Variants in MTMR12 observed in about 807,000 individuals in gnomAD.
MTMR12 encodes myotubularin related protein 12.
MTMR12 carries 33 observed loss-of-function variants against 96.7 expected under a neutral mutation model. The observed-to-expected ratio is 0.34, with a 90% CI of 0.26 to 0.46. MTMR12 has a LOEUF of 0.46. Among genes scored for constraint, MTMR12 ranks in the 20% least tolerant of loss-of-function variants. The probability of loss-of-function intolerance (pLI) is 1.00; values close to 1 mark genes in which losing one functional copy is unlikely to be tolerated. For synonymous variants in MTMR12, 298 were observed against 327.2 expected (o/e 0.91, Z 0.96); for missense variants, 721 against 896.1 (o/e 0.80, Z 2.49).
chr5:32,268,695 A>G lies in MTMR12; in HGVS notation c.583+6T>C. The G allele has an allele frequency of 6.2e-7, 1 of 1,610,048 alleles. No homozygotes were observed. The highest frequency in any genetic ancestry group is 8.5e-7 in the Non-Finnish European group (1 of 1,176,352). On this transcript the variant is annotated splice_donor_region_variant and intron_variant, in intron 6 of 15. Transcript: ENST00000382142. ...ACCCTCAAATTAGAACCCAGAAGAT[A>G]TTTACCTGTATTGTTTTGTGCAGCA...
rs373751477 is a variant in MTMR12 at position 32,308,834 on chromosome 5, G to C, written c.81+3924C>G. On this transcript the variant is annotated intron_variant, in intron 1 of 15. Coordinates refer to ENST00000382142, the MANE Select transcript of MTMR12 (RefSeq NM_001040446.3). ...TGGCCAGGATAGTCTGGATCTCTTG[G>C]CCTCATGATCCACCCACCTCGGCCT... 9.2e-5 allele frequency among the ~76,000 whole-genome samples: 14 copies of C among 152,030 alleles called. No individual in the cohort carries two copies. In the East Asian group the frequency reaches 2.7e-3, roughly 29 times the overall value.
chr5:32,232,726 C>G (rs1748044538), intron 15 of MTMR12, among the ~76,000 whole-genome samples: 1 of 152,246 alleles, frequency 6.6e-6, no homozygotes, highest in South Asian at 2.1e-4. Flanking sequence ...GAGGCTCAGC[C>G]AGAAAGGGGA....
intron 10 of MTMR12, among the ~76,000 whole-genome samples, chr5:32,243,991 G>A (rs1269975097): frequency 6.6e-6 from 1 of 152,142 alleles, no homozygotes; most frequent in East Asian, 1.9e-4. Flanking sequence ...GAAGCCTAAG[G>A]GTCAGGCTTA....
intron 1 of MTMR12, among the ~76,000 whole-genome samples, chr5:32,295,192 C>G (rs1187242670): frequency 6.6e-6 from 1 of 152,248 alleles, no homozygotes; most frequent in African/African-American, 2.4e-5. Flanking sequence ...ATTCCCCATG[C>G]TTCTGAAAGC....
intron 13 of MTMR12, among the ~76,000 whole-genome samples, chr5:32,238,330 T>A (rs1193974942): frequency 6.6e-6 from 1 of 152,044 alleles, no homozygotes; most frequent in African/African-American, 2.4e-5. Context: ...TCACCTTCCC[T>A]GGTAACTGGG....
chr5:32,306,505 G>T (rs947143742), intron 1 of MTMR12, among the ~76,000 whole-genome samples: 2 of 152,016 alleles, frequency 1.3e-5, no homozygotes, highest in Non-Finnish European at 2.9e-5. Context: ...CTAGGCAACA[G>T]AATACATTTT....
chr5:32,266,481 A>T (rs1339866174), intron 6 of MTMR12, among the ~76,000 whole-genome samples: 1 of 151,540 alleles, frequency 6.6e-6, no homozygotes, highest in Non-Finnish European at 1.5e-5. Context: ...TCAGGTCAGG[A>T]GTTCGAAATC....
At position 32,312,762 on chromosome 5, in the gene MTMR12, G is replaced by T; in HGVS notation, c.77C>A (p.Pro26His). The T allele has an allele frequency of 1.3e-6, 2 of 1,526,306 alleles. No individual in the cohort carries two copies. The highest frequency in any genetic ancestry group is 1.8e-6 in the Non-Finnish European group (2 of 1,139,772). The allele number at this position is 1,526,306 out of a possible 1,614,324, so 94.5% of individuals were successfully genotyped here. A position where few individuals can be genotyped will look rare whatever the true frequency, so the allele number is the denominator to read the frequency against. Reference protein sequence around the residue: ...PKPSFVSYVRPEEIHTNEKEV... With the variant: ...PKPSFVSYVRHEEIHTNEKEV... The stretch of plus-strand genomic sequence containing the variant: ...GCCTGCGCGGCGCCCCCTCACCTCA[G>T]GGCGTACGTACGACACGAAGGAGGG... The change falls in exon 1 of 16, where the codon CCT (proline) becomes CAT (histidine). Residue 26 changes from proline (P) to histidine (H), a missense_variant. Coordinates refer to ENST00000382142, the MANE Select transcript of MTMR12 (RefSeq NM_001040446.3). This position sits in a 1 kb window ranked among gnomAD's most constrained non-coding sequence, Gnocchi z 5.0.
At chr5:32,285,357 C>CA (rs35792337) in intron 1 of MTMR12, among the ~76,000 whole-genome samples, 11,361 of 109,544 alleles carry the variant, frequency 0.1, 543 homozygotes, top group South Asian at 0.14. Context: ...GATTCCATTT[C>CA]AAAAAAAAAA....
At chr5:32,294,618 C>T (rs950043469) in intron 1 of MTMR12, among the ~76,000 whole-genome samples, 2 of 152,060 alleles carry the variant, frequency 1.3e-5, no homozygotes, top group Admixed American at 1.3e-4. Context: ...GCACTTTTCA[C>T]GCTGAACTGC....
intron 12 of MTMR12, among the ~76,000 whole-genome samples, chr5:32,240,143 G>A (rs1368149286): frequency 6.6e-6 from 1 of 152,164 alleles, no homozygotes; most frequent in Non-Finnish European, 1.5e-5. Flanking sequence ...GCTCATGCCT[G>A]TAATCCCAGC....
At chr5:32,242,582 C>T (rs932276225) in intron 11 of MTMR12, among the ~76,000 whole-genome samples, 20 of 151,874 alleles carry the variant, frequency 1.3e-4, no homozygotes, top group African/African-American at 4.1e-4. Flanking sequence ...ATTCCCTTTG[C>T]GACTGTTGCC....
intron 1 of MTMR12, among the ~76,000 whole-genome samples, chr5:32,295,075 A>T (rs879529080): frequency 3.9e-5 from 6 of 152,224 alleles, no homozygotes; most frequent in Admixed American, 3.9e-4. Context: ...TAGGAAGCTA[A>T]AAACCAAAAC....
chr5:32,266,416 G>A (rs186536841), intron 6 of MTMR12, among the ~76,000 whole-genome samples: 3 of 152,284 alleles, frequency 2.0e-5, no homozygotes, highest in African/African-American at 7.2e-5. Context: ...GGCTGGGCAC[G>A]GTGGCTCATG....
chr5:32,294,560 C>A (rs547464430), intron 1 of MTMR12, among the ~76,000 whole-genome samples: 37 of 152,208 alleles, frequency 2.4e-4, no homozygotes, highest in African/African-American at 8.4e-4. Context: ...CTTGGCCTCC[C>A]AAAGTGCTGA....
intron 1 of MTMR12, among the ~76,000 whole-genome samples, chr5:32,303,442 C>T (rs1751225981): frequency 6.6e-6 from 1 of 152,138 alleles, no homozygotes; most frequent in South Asian, 2.1e-4. Context: ...ATTTCCACCT[C>T]CCCTATTCCT....
chr5:32,241,463 G>A (rs1434442064), intron 12 of MTMR12, among the ~76,000 whole-genome samples: 1 of 152,210 alleles, frequency 6.6e-6, no homozygotes. Context: ...TTAATTTATA[G>A]TGTGGGGCTA....
intron 1 of MTMR12, among the ~76,000 whole-genome samples, chr5:32,307,407 G>C (rs779439027): frequency 3.2e-4 from 48 of 152,164 alleles, no homozygotes; most frequent in Admixed American, 7.2e-4. Flanking sequence ...GCTGGGGTGG[G>C]GGTGCTGCGA....
chr5:32,303,448 T>C (rs143319186), intron 1 of MTMR12, among the ~76,000 whole-genome samples: 3 of 152,254 alleles, frequency 2.0e-5, no homozygotes, highest in Non-Finnish European at 4.4e-5. Context: ...ACCTCCCCTA[T>C]TCCTCCTCCC....
Sources: allele counts gnomAD v4.1 joint callset (sites outside exome capture counted in the v4.1 genomes callset), GRCh38; gene constraint gnomAD v4.1.1; non-coding constraint Gnocchi (gnomAD v3.1); transcripts MANE v1.5; gene names NCBI Gene and HGNC (gene_info 2026-07-23, HGNC 2026-07-21).